MAMLD1: variants seen among roughly 807,000 people sequenced by gnomAD.
MAMLD1 encodes the protein mastermind like domain containing 1.
Under a neutral mutation model 45.0 loss-of-function variants are expected in MAMLD1, and 14 were observed. That is an observed-to-expected ratio of 0.31 (90% CI 0.21 to 0.49). The LOEUF (loss-of-function observed/expected upper bound fraction) is 0.49. Among genes scored for constraint, MAMLD1 ranks in the 20% least tolerant of loss-of-function variants. The pLI, the probability that MAMLD1 is intolerant of heterozygous loss-of-function variation, is 0.99. For synonymous variants in MAMLD1, 254 were observed against 247.8 expected (o/e 1.02, Z -0.24); for missense variants, 543 against 603.6 (o/e 0.90, Z 1.05).
At chrX:150,421,991 G>A (rs1193186693) in intron 1 of MAMLD1, among the ~76,000 whole-genome samples, 1 of 112,230 alleles carries the variant, frequency 8.9e-6, no homozygotes, top group African/African-American at 3.2e-5. Context: ...ATAGAGGAAA[G>A]CTAGTCACCA....
At chrX:150,419,579 G>C (rs782721173) in intron 1 of MAMLD1, among the ~76,000 whole-genome samples, 10,411 of 105,797 alleles carry the variant, frequency 0.098, 508 homozygotes, top group Middle Eastern at 0.16. Context: ...GCTGGTACCA[G>C]TTGTTCCTTT....
At chrX:150,413,661 G>A (rs944987212) in intron 1 of MAMLD1, among the ~76,000 whole-genome samples, 2 of 109,482 alleles carry the variant, frequency 1.8e-5, no homozygotes, top group Non-Finnish European at 3.8e-5. Context: ...AGGGGGAAAG[G>A]GGGAAGGGGT....
At chrX:150,508,503 C>T (rs999913772) in intron 6 of MAMLD1, among the ~76,000 whole-genome samples, 2 of 111,986 alleles carry the variant, frequency 1.8e-5, no homozygotes, top group Non-Finnish European at 3.8e-5. Flanking sequence ...AGGCTAAGGG[C>T]GGGATAGAAA....
chrX:150,449,340 G>A (rs781810868), intron 2 of MAMLD1, among the ~76,000 whole-genome samples: 5 of 111,303 alleles, frequency 4.5e-5, no homozygotes. Flanking sequence ...CTAAATGCAA[G>A]TAGGGCTGAA....
intron 1 of MAMLD1, among the ~76,000 whole-genome samples, chrX:150,364,900 G>T (rs1365179976): frequency 5.3e-5 from 6 of 112,397 alleles, no homozygotes; most frequent in Non-Finnish European, 9.4e-5. Context: ...CCCTGGTTGC[G>T]GTGAGCCGGC....
chrX:150,452,190 A>G (rs1319381645), intron 2 of MAMLD1, among the ~76,000 whole-genome samples: 1 of 112,183 alleles, frequency 8.9e-6, no homozygotes, highest in Non-Finnish European at 1.9e-5. Flanking sequence ...GTGCAATTAA[A>G]AAGTCATTGT....
chrX:150,473,567 G>T, intron 4 of MAMLD1, 113 bp from the exon 5 acceptor site: 2 of 702,099 alleles, frequency 2.8e-6, no homozygotes, highest in South Asian at 2.1e-5. Flanking sequence ...CTCCCATGGG[G>T]GTGGCCGGGG....
At position 150,383,037 on chromosome X, in the gene MAMLD1, T is replaced by C. The variant is rs1183936582; in HGVS notation, c.-64+19507T>C. On this transcript the variant is annotated intron_variant, in intron 1 of 7. Transcript: ENST00000370401. Reference sequence around the variant, plus strand: ...CTCCTGCCTCAGCCTCCCGAGTAGCTGGGACTACAGGCGCCCGCCACCACG... The same window carrying C: ...CTCCTGCCTCAGCCTCCCGAGTAGCCGGGACTACAGGCGCCCGCCACCACG... Among the ~76,000 whole-genome samples, 8 of 59,046 alleles carry C rather than the reference T, an allele frequency of 1.4e-4. 3 individuals are homozygous for C. The highest frequency in any genetic ancestry group is 9.4e-4 in the African/African-American group (8 of 8,480). 51.3% of individuals were successfully genotyped at this position (59,046 alleles called of 115,157 possible).
At chrX:150,490,280 G>C (rs782407292) in intron 5 of MAMLD1, among the ~76,000 whole-genome samples, 1 of 112,154 alleles carries the variant, frequency 8.9e-6, no homozygotes, top group South Asian at 3.7e-4. Flanking sequence ...GACTACTTTG[G>C]ATAACAAAGC....
intron 1 of MAMLD1, among the ~76,000 whole-genome samples, chrX:150,402,981 G>A (rs1467086311): frequency 1.8e-5 from 2 of 110,268 alleles, no homozygotes; most frequent in Non-Finnish European, 3.8e-5. Context: ...TAGATGACGA[G>A]TTACTGGTGC....
chrX:150,379,272 T>C (rs1328596395), intron 1 of MAMLD1, among the ~76,000 whole-genome samples: 1 of 111,921 alleles, frequency 8.9e-6, no homozygotes, highest in Non-Finnish European at 1.9e-5. Context: ...GCCATTACCA[T>C]AATATATTTA....
Position 150,396,287 on chromosome X carries a change from T to C in MAMLD1, c.-64+32757T>C, listed in dbSNP as rs782202000. ...ATGGGATTACAGGTGTGAGCCACCA[T>C]GCCTACCTAGCCTCTTCTTTTCTAA... is the stretch of plus-strand genomic sequence containing the variant. On this transcript the variant is annotated intron_variant, in intron 1 of 7. Transcript: ENST00000370401. 5.9e-3 allele frequency among the ~76,000 whole-genome samples: 624 copies of C among 105,777 alleles called. 5 individuals carry two copies. The highest frequency in any genetic ancestry group is 9.0e-3 in the Non-Finnish European group (465 of 51,569). 91.9% of individuals were successfully genotyped at this position (105,777 alleles called of 115,157 possible).
At chrX:150,378,830 C>T (rs782178736) in intron 1 of MAMLD1, among the ~76,000 whole-genome samples, 7 of 111,529 alleles carry the variant, frequency 6.3e-5, no homozygotes, top group African/African-American at 2.3e-4. Context: ...TGACATGCCC[C>T]TAATCATCCT....
Position 150,471,012 on chromosome X carries a change from T to C in MAMLD1, c.1439T>C (p.Ile480Thr). The C allele has an allele frequency of 8.3e-7, 1 of 1,211,456 alleles. No individual in the cohort carries two copies. Among genetic ancestry groups the C allele is most frequent in the Non-Finnish European group, 1.1e-6 (1 of 895,470 alleles). Residue 480 changes from isoleucine (I) to threonine (T), a missense_variant, in exon 4 of 8, where the codon ATC becomes ACC. By Grantham distance (89) the Ile-to-Thr change is moderately conservative. Coordinates refer to ENST00000370401, the MANE Select transcript of MAMLD1 (RefSeq NM_005491.5). ...QQSFTPQCSL[I>T]RSLTPTSNLL... ...TCCTTCACCCCACAGTGTTCCCTGATCCGAAGCCTCACTCCCACCAGTAAT... is the reference window on the plus strand; with the variant it reads ...TCCTTCACCCCACAGTGTTCCCTGACCCGAAGCCTCACTCCCACCAGTAAT...
rs782816056 is a variant in MAMLD1 at position 150,501,047 on chromosome X, C to G, written c.2041-2227C>G. Among the ~76,000 whole-genome samples the G allele has an allele frequency of 1.4e-3, 156 of 111,853 alleles. 1 individual carries two copies. Among genetic ancestry groups the G allele is most frequent in the Non-Finnish European group, 2.5e-3 (133 of 53,204 alleles). ...TGTCGGGGTATCTTCCGCCGCTGGT[C>G]ATTTCCATGTGCCATCTGCAGTTTT... On this transcript the variant is annotated intron_variant, in intron 5 of 7. Coordinates refer to ENST00000370401, the MANE Select transcript of MAMLD1 (RefSeq NM_005491.5).
chrX:150,445,469 G>A lies in MAMLD1; in HGVS notation c.-48G>A, dbSNP rs781800896. 28 of 1,016,408 alleles carry A rather than the reference G, an allele frequency of 2.8e-5. No individual in the cohort carries two copies. In the Middle Eastern group the frequency reaches 7.6e-4, roughly 28 times the overall value. 83.8% of individuals were successfully genotyped at this position (1,016,408 alleles called of 1,213,427 possible). A position where few individuals can be genotyped will look rare whatever the true frequency, so the allele number is the denominator to read the frequency against. Reference sequence around the variant, plus strand: ...TCTCCCTAAGCCCTGTGTCTAGGTCGTTTGGGAAACGCCTTGGAGAGTCAA... The same window carrying A: ...TCTCCCTAAGCCCTGTGTCTAGGTCATTTGGGAAACGCCTTGGAGAGTCAA... On this transcript the variant is annotated 5_prime_UTR_variant, in exon 2 of 8. Coordinates refer to ENST00000370401, the MANE Select transcript of MAMLD1 (RefSeq NM_005491.5).
At chrX:150,501,921 T>A (rs2037568594) in intron 5 of MAMLD1, among the ~76,000 whole-genome samples, 1 of 112,424 alleles carries the variant, frequency 8.9e-6, no homozygotes, top group Admixed American at 9.4e-5. Flanking sequence ...TGCATCCTGC[T>A]CTGCCACTAG....
chrX:150,362,130 C>T (rs1335989530), upstream of MAMLD1, among the ~76,000 whole-genome samples: 1 of 112,228 alleles, frequency 8.9e-6, no homozygotes, highest in African/African-American at 3.2e-5. Flanking sequence ...GCCGCCACAG[C>T]GGGTCTGTTT....
At chrX:150,377,060 C>T (rs1385375350) in intron 1 of MAMLD1, among the ~76,000 whole-genome samples, 3 of 112,954 alleles carry the variant, frequency 2.7e-5, no homozygotes, top group African/African-American at 9.6e-5. Flanking sequence ...TCACAAAATG[C>T]GCCCCACTCA....
Sources: gnomAD v4.1 joint callset for allele counts (sites outside exome capture counted in the v4.1 genomes callset) on GRCh38, gnomAD v4.1.1 for gene constraint, MANE v1.5 for transcripts, NCBI Gene and HGNC (gene_info 2026-07-23, HGNC 2026-07-21) for gene names.